The following SUGCT variants were observed in gnomAD, a reference collection of about 807,000 sequenced individuals.
SUGCT encodes succinyl-CoA:glutarate-CoA transferase.
Under a neutral mutation model 55.0 loss-of-function variants are expected in SUGCT, and 41 were observed. That is an observed-to-expected ratio of 0.74 (90% CI 0.58 to 0.97). The LOEUF is 0.97. Ranked by LOEUF, SUGCT falls within the 50% of genes least tolerant of loss-of-function variation. SUGCT has a pLI of 0.00. For synonymous variants in SUGCT, 187 were observed against 200.4 expected, an observed-to-expected ratio of 0.93 and a Z score of 0.56; for missense variants, 568 against 547.8, an observed-to-expected ratio of 1.04 and a Z score of -0.37.
At chr7:40,715,796 CTCTG>C (rs1440078324) in intron 12 of SUGCT, among the ~76,000 whole-genome samples, 1 of 152,190 alleles carries the variant, frequency 6.6e-6, no homozygotes, top group African/African-American at 2.4e-5. Context: ...GTACCCCCAA[CTCTG>C]TATCAGCCAA....
chr7:40,733,508 T>C (rs941119795), intron 12 of SUGCT, among the ~76,000 whole-genome samples: 1 of 152,172 alleles, frequency 6.6e-6, no homozygotes, highest in African/African-American at 2.4e-5. Context: ...ATGAAAACAC[T>C]GAGTTTATTG....
the SUGCT span, among the ~76,000 whole-genome samples, chr7:40,870,207 T>A: frequency 3.3e-5 from 5 of 152,152 alleles, no homozygotes; most frequent in Non-Finnish European, 4.4e-5. Context: ...GTCATTGAAC[T>A]GAAAGAAAAG....
intron 13 of SUGCT, among the ~76,000 whole-genome samples, chr7:40,785,954 C>T (rs1199772823): frequency 6.6e-6 from 1 of 151,992 alleles, no homozygotes; most frequent in Non-Finnish European, 1.5e-5. Flanking sequence ...ATTTAATTAG[C>T]TAATGGTGGT....
At chr7:40,600,032 G>A (rs1046085907) in intron 12 of SUGCT, among the ~76,000 whole-genome samples, 1 of 152,148 alleles carries the variant, frequency 6.6e-6, no homozygotes, top group Admixed American at 6.6e-5. Flanking sequence ...TTGGGCTCTG[G>A]AGAAACATTT....
At chr7:40,316,651 T>C (rs764752122) in intron 8 of SUGCT, 109 bp from the exon 9 acceptor site, 9 of 670,934 alleles carry the variant, frequency 1.3e-5, no homozygotes, top group Non-Finnish European at 1.9e-5. Flanking sequence ...ACAGGTTTTT[T>C]TCTTCTACAA....
chr7:40,588,050 G>A (rs1443690236), intron 12 of SUGCT, among the ~76,000 whole-genome samples: 1 of 151,580 alleles, frequency 6.6e-6, no homozygotes, highest in Non-Finnish European at 1.5e-5. Flanking sequence ...TTACAGGCGT[G>A]TGCCACCATG....
chr7:40,835,363 T>C (rs1369446936), intron 13 of SUGCT, among the ~76,000 whole-genome samples: 1 of 152,230 alleles, frequency 6.6e-6, no homozygotes, highest in Non-Finnish European at 1.5e-5. Context: ...TTGTTTGTTT[T>C]AGATTCCTTC....
chr7:40,374,785 T>C (rs994207511), intron 9 of SUGCT, among the ~76,000 whole-genome samples: 19 of 152,294 alleles, frequency 1.2e-4, no homozygotes, highest in African/African-American at 3.4e-4. Flanking sequence ...CCTGGGCTGA[T>C]TGAATCACAC....
intron 13 of SUGCT, among the ~76,000 whole-genome samples, chr7:40,825,332 G>C (rs960736458): frequency 1.3e-5 from 2 of 151,962 alleles, no homozygotes; most frequent in Non-Finnish European, 1.5e-5. Context: ...CAGTGATAAG[G>C]GTCCTACATA....
At chr7:40,892,820 G>A in the SUGCT span, among the ~76,000 whole-genome samples, 1 of 152,188 alleles carries the variant, frequency 6.6e-6, no homozygotes, top group Non-Finnish European at 1.5e-5. Context: ...TTACAGTCAT[G>A]AGCCACTGTT....
the SUGCT span, among the ~76,000 whole-genome samples, chr7:40,890,326 T>C: frequency 7.9e-6 from 1 of 125,806 alleles, no homozygotes; most frequent in Non-Finnish European, 1.5e-5. Context: ...TTATATAATA[T>C]AAATATTAAT....
chr7:40,625,541 C>A (rs1426240397), intron 12 of SUGCT, among the ~76,000 whole-genome samples: 1 of 152,024 alleles, frequency 6.6e-6, no homozygotes, highest in Admixed American at 6.6e-5. Context: ...GTTCAAAATT[C>A]GTCTTCATTT....
rs1390138730 is a variant in SUGCT, at chr7:40,449,282, T to C, written c.817-5T>C. On this transcript the variant is annotated splice_polypyrimidine_tract_variant and splice_region_variant and intron_variant, in intron 9 of 13. Transcript: ENST00000335693. ...AATATTTACCTGTGTATTTATTTCT[T>C]TTAGGCTTTTAAAACCAAGGATGGC... 3.1e-6 allele frequency: 5 copies of C among 1,603,482 alleles called. No homozygotes were observed. The highest frequency in any genetic ancestry group is 4.3e-6 in the Non-Finnish European group (5 of 1,171,516).
chr7:40,748,334 C>T (rs951978985), intron 12 of SUGCT, among the ~76,000 whole-genome samples: 19 of 151,620 alleles, frequency 1.3e-4, no homozygotes, highest in Admixed American at 2.6e-4. Flanking sequence ...TTTATAGTGG[C>T]GTGAAAGTAG....
chr7:40,480,785 CTG>C (rs1790990559), intron 11 of SUGCT, among the ~76,000 whole-genome samples: 1 of 151,692 alleles, frequency 6.6e-6, no homozygotes, highest in East Asian at 1.9e-4. Context: ...GTTCATATAA[CTG>C]AGTAATGTAT....
At chr7:40,876,334 G>A in the SUGCT span, among the ~76,000 whole-genome samples, 1 of 152,108 alleles carries the variant, frequency 6.6e-6, no homozygotes, top group African/African-American at 2.4e-5. Context: ...AACCATGCAT[G>A]CCAGAGCTTT....
At chr7:41,031,199 A>G in the SUGCT span, among the ~76,000 whole-genome samples, 260 of 152,282 alleles carry the variant, frequency 1.7e-3, 2 homozygotes, top group African/African-American at 5.0e-3. Flanking sequence ...ATTTAAATCA[A>G]GAATTCTCTG....
intron 12 of SUGCT, among the ~76,000 whole-genome samples, chr7:40,563,609 AAGGCCGAGGTGGG>A (rs1235782981): frequency 6.6e-6 from 1 of 151,822 alleles, no homozygotes; most frequent in Non-Finnish European, 1.5e-5. Flanking sequence ...AATTACTTGG[AAGGCCGAGGTGGG>A]AGGATCACTT....
At chr7:40,764,889 G>T (rs4050962) in intron 13 of SUGCT, among the ~76,000 whole-genome samples, 58,933 of 151,890 alleles carry the variant, frequency 0.39, 12,954 homozygotes, top group South Asian at 0.56. Context: ...GGTTGGGGCT[G>T]CAGTGTTCTT....
Sources: allele counts gnomAD v4.1 joint callset (sites outside exome capture counted in the v4.1 genomes callset), GRCh38; gene constraint gnomAD v4.1.1; transcripts MANE v1.5; gene names NCBI Gene and HGNC (gene_info 2026-07-23, HGNC 2026-07-21).